CTNNA1: variants seen among roughly 807,000 people sequenced by gnomAD.
The protein encoded by CTNNA1 is catenin alpha 1, also known as catenin alpha-1.
CTNNA1 carries 37 observed loss-of-function variants against 98.4 expected under a neutral mutation model. That is an observed-to-expected ratio of 0.38 (90% CI 0.29 to 0.49). CTNNA1 has a LOEUF of 0.49. CTNNA1 is among the 20% of genes least tolerant of loss of function. The pLI, the probability that CTNNA1 is intolerant of heterozygous loss-of-function variation, is 0.95. For missense variants in CTNNA1, 761 were observed against 1,147.2 expected (o/e 0.66, Z 4.86); for synonymous variants, 404 against 413.2 (o/e 0.98, Z 0.27).
rs184841322 is a variant in CTNNA1 at position 138,928,799 on chromosome 5, T to G, written c.1900-447T>G. On this transcript the variant is annotated intron_variant, in intron 13 of 17. Coordinates refer to ENST00000302763, the MANE Select transcript of CTNNA1 (RefSeq NM_001903.5). ...AAATACAAAAATTAGCCGGGCATGG[T>G]GGCATGTTGCCTCTAATCCCAGCCA... 9.2e-5 allele frequency among the ~76,000 whole-genome samples: 14 copies of G among 152,276 alleles called. No homozygotes were observed. In the East Asian group the frequency reaches 2.5e-3, roughly 27 times the overall value.
chr5:138,766,513 A>G (rs1349295838), intron 1 of CTNNA1, among the ~76,000 whole-genome samples: 2 of 151,118 alleles, frequency 1.3e-5, no homozygotes, highest in Admixed American at 6.6e-5. Flanking sequence ...TCCCTGGAGA[A>G]TGATTGGAAA....
intron 5 of CTNNA1, among the ~76,000 whole-genome samples, chr5:138,819,289 C>T (rs1759774020): frequency 2.6e-5 from 4 of 152,126 alleles, no homozygotes; most frequent in Non-Finnish European, 2.9e-5. Context: ...AATGGCAGAG[C>T]ACAGCTGTTG....
chr5:138,924,532 G>T lies in CTNNA1; in HGVS notation c.1569G>T (p.Val523=). The T allele has an allele frequency of 6.2e-7, 1 of 1,614,130 alleles. No homozygotes were observed. Among genetic ancestry groups the T allele is most frequent in the South Asian group, 1.1e-5 (1 of 91,052 alleles). The part of the protein sequence containing the change: ...AVSENHILED[V]NKCVIALQEK... ...CAGAGAATCACATTTTGGAAGATGT[G>T]AACAAATGTGTCATTGCTCTCCAAG... The change falls in exon 12 of 18, where the codon GTG becomes GTT. Residue 523 remains valine (V), a synonymous_variant. Coordinates refer to ENST00000302763, the MANE Select transcript of CTNNA1 (RefSeq NM_001903.5).
At chr5:138,916,273 A>C (rs1761742527) in intron 10 of CTNNA1, among the ~76,000 whole-genome samples, 1 of 152,030 alleles carries the variant, frequency 6.6e-6, no homozygotes, top group African/African-American at 2.4e-5. Context: ...AAAATGTTCT[A>C]AAACTGAATG....
At chr5:138,802,430 T>A (rs1475317713) in intron 3 of CTNNA1, among the ~76,000 whole-genome samples, 1 of 152,152 alleles carries the variant, frequency 6.6e-6, no homozygotes, top group Admixed American at 6.5e-5. Flanking sequence ...TACCTTGACC[T>A]CCCAAAGTGC....
intron 9 of CTNNA1, among the ~76,000 whole-genome samples, chr5:138,894,372 C>G (rs1756262664): frequency 6.6e-6 from 1 of 150,896 alleles, no homozygotes; most frequent in Admixed American, 6.6e-5. Context: ...GCCTTGACCT[C>G]CCAGGCTCAG....
At position 138,790,985 on chromosome 5, in the gene CTNNA1, A is replaced by G. The variant is rs955208947; in HGVS notation, c.301+7613A>G. The G allele has an allele frequency of 3.3e-5, 5 of 152,328 alleles. No individual in the cohort carries two copies. The South Asian group carries it at 1.0e-3, about 32-fold the overall frequency. 9.4% of individuals were successfully genotyped at this position (152,328 alleles called of 1,614,324 possible). On this transcript the variant is annotated intron_variant, in intron 3 of 17. Transcript: ENST00000302763. ...GCCTCTTCTTCAGTGCTGAAAAAAC[A>G]TTTTATAGTGACAACTATACATCCT...
rs961630194 is a variant in CTNNA1, at chr5:138,810,195, G to C, written c.459G>C (p.Gln153His). The change falls in exon 4 of 18, where the codon CAG becomes CAC. Residue 153 changes from glutamine (Q) to histidine (H), a missense_variant. By Grantham distance (24) the Gln-to-His change is conservative (BLOSUM62 0). Around this residue, in one of 6 missense-constraint regions of CTNNA1, gnomAD observed 328 missense variants for 354.3 expected, o/e 0.93. Transcript: ENST00000302763. ...CAGATGTCTACAAATTACTTGTTCA[G>C]CTGAAAGTTGTAAGTATACAGGCCT... is the stretch of plus-strand genomic sequence containing the variant. The part of the protein sequence containing the change: ...DMADVYKLLV[Q>H]LKVVEDGILK... The C allele has an allele frequency of 1.2e-6, 2 of 1,613,892 alleles. No individual in the cohort carries two copies. The highest frequency in any genetic ancestry group is 1.7e-6 in the Non-Finnish European group (2 of 1,179,786).
intron 7 of CTNNA1, among the ~76,000 whole-genome samples, chr5:138,857,444 C>T (rs1763827531): frequency 1.3e-5 from 2 of 152,056 alleles, no homozygotes; most frequent in African/African-American, 4.8e-5. Flanking sequence ...CCTTTTGTAC[C>T]AAGCTCAAAG....
At chr5:138,807,475 G>A (rs1330375952) in intron 3 of CTNNA1, among the ~76,000 whole-genome samples, 1 of 151,982 alleles carries the variant, frequency 6.6e-6, no homozygotes, top group Non-Finnish European at 1.5e-5. Context: ...AGTTGTTAGT[G>A]CTTCCTCCTT....
chr5:138,810,716 G>T (rs1269661023), intron 4 of CTNNA1, among the ~76,000 whole-genome samples: 2 of 152,146 alleles, frequency 1.3e-5, no homozygotes, highest in African/African-American at 4.8e-5. Flanking sequence ...GCAACCATCC[G>T]ATTTCTCAAT....
At chr5:138,920,370 C>T (rs1762673063) in intron 11 of CTNNA1, among the ~76,000 whole-genome samples, 3 of 152,218 alleles carry the variant, frequency 2.0e-5, no homozygotes, top group Admixed American at 6.5e-5. Context: ...GCAGCAGTCA[C>T]GGGCAGTATT....
Position 138,873,003 on chromosome 5 carries a change from G to T in CTNNA1, c.1063-13209G>T. The T allele has an allele frequency of 1.3e-6, 2 of 1,573,170 alleles. No homozygotes were observed. Among genetic ancestry groups the T allele is most frequent in the Admixed American group, 3.5e-5 (2 of 56,690 alleles). On this transcript the variant is annotated intron_variant, in intron 7 of 17. Transcript: ENST00000302763. The surrounding 1 kb of genome is among the most constrained non-coding windows in gnomAD (Gnocchi z 6.1). ...TATCTGATGTGATTTTTGATGATGG[G>T]TAGATATTATACTTCACATTCTTTG...
In CTNNA1 at chr5:138,889,626, GC is replaced by G. The variant is rs1271629569; in HGVS notation, c.1296+1991del. 2.9e-5 allele frequency among the ~76,000 whole-genome samples: 4 copies of G among 138,368 alleles called. No individual in the cohort carries two copies. In the East Asian group the frequency reaches 6.4e-4, roughly 22 times the overall value. 90.8% of individuals were successfully genotyped at this position (138,368 alleles called of 152,430 possible). ...TAATTCTGAACACTACTAACCAAAG[GC>G]CCCCCCACCCCCACCCCCCAGAATT... On this transcript the variant is annotated intron_variant, in intron 9 of 17. Coordinates refer to ENST00000302763, the MANE Select transcript of CTNNA1 (RefSeq NM_001903.5).
intron 1 of CTNNA1, among the ~76,000 whole-genome samples, chr5:138,768,457 C>T (rs1458789914): frequency 6.6e-6 from 1 of 151,372 alleles, no homozygotes; most frequent in Non-Finnish European, 1.5e-5. Context: ...GATAGGGTTT[C>T]ACCATGTTGG....
intron 3 of CTNNA1, among the ~76,000 whole-genome samples, chr5:138,799,650 C>T (rs778713684): frequency 6.7e-6 from 1 of 148,918 alleles, no homozygotes; most frequent in South Asian, 2.1e-4. Context: ...GTAAGGATGA[C>T]CATTCAGAAG....
At chr5:138,849,513 T>C (rs927159602) in intron 7 of CTNNA1, among the ~76,000 whole-genome samples, 2 of 152,238 alleles carry the variant, frequency 1.3e-5, no homozygotes, top group Admixed American at 6.5e-5. Flanking sequence ...TAACATTCTC[T>C]GTCTTTAGAG....
At chr5:138,885,944 TA>T (rs1233281098) in intron 7 of CTNNA1, among the ~76,000 whole-genome samples, 1 of 152,206 alleles carries the variant, frequency 6.6e-6, no homozygotes, top group Non-Finnish European at 1.5e-5. Context: ...AGCCAAACTT[TA>T]AGCAAAGCTC....
intron 1 of CTNNA1, among the ~76,000 whole-genome samples, chr5:138,761,603 T>TA (rs5871677): frequency 0.69 from 105,001 of 151,918 alleles, 36,447 homozygotes; most frequent in East Asian, 0.93. Flanking sequence ...AATGAACAGG[T>TA]AAAAAAATTT....
Sources: gnomAD v4.1 joint callset for allele counts (sites outside exome capture counted in the v4.1 genomes callset) on GRCh38, gnomAD v4.1.1 for gene constraint, gnomAD v4.1.1 regional missense constraint, Gnocchi (gnomAD v3.1) non-coding constraint, MANE v1.5 for transcripts, NCBI Gene and HGNC (gene_info 2026-07-23, HGNC 2026-07-21) for gene names.